The following ARHGAP40 variants were observed in gnomAD, a reference collection of about 807,000 sequenced individuals.
ARHGAP40 encodes the protein rho GTPase-activating protein 40.
ARHGAP40 carries 43 observed loss-of-function variants against 73.5 expected under a neutral mutation model. The observed-to-expected ratio is 0.58, with a 90% CI of 0.46 to 0.75. The LOEUF (loss-of-function observed/expected upper bound fraction) is 0.75, where lower values mean the gene tolerates loss of function less well. Among genes scored for constraint, ARHGAP40 ranks in the 30% least tolerant of loss-of-function variants. The pLI is 0.00. For missense variants in ARHGAP40, 734 were observed against 861.8 expected (o/e 0.85, Z 1.86); for synonymous variants, 300 against 352.8 (o/e 0.85, Z 1.68).
At chr20:38,615,599 T>C (rs2088831917) in intron 1 of ARHGAP40, 1 of 475,646 alleles carries the variant, frequency 2.1e-6, no homozygotes, top group Non-Finnish European at 3.8e-6. Context: ...AGAGGTCCAA[T>C]TTCTATCCTT....
intron 1 of ARHGAP40, among the ~76,000 whole-genome samples, chr20:38,616,224 C>CTGGGATA (rs2088837294): frequency 6.6e-6 from 1 of 152,256 alleles, no homozygotes; most frequent in South Asian, 2.1e-4. Context: ...TCACCTTCCC[C>CTGGGATA]CAGATTCCCT....
At chr20:38,631,346 C>CTGTTT (rs1350232255) in intron 5 of ARHGAP40, among the ~76,000 whole-genome samples, 13 of 149,228 alleles carry the variant, frequency 8.7e-5, no homozygotes, top group African/African-American at 3.0e-4. Context: ...ATATGTTAGT[C>CTGTTT]TGTTTTTACA....
At chr20:38,603,612 T>A (rs1298236460) in intron 1 of ARHGAP40, among the ~76,000 whole-genome samples, 1 of 152,206 alleles carries the variant, frequency 6.6e-6, no homozygotes, top group Non-Finnish European at 1.5e-5. Context: ...CTCTCTCATT[T>A]ATATTAGTTT....
At chr20:38,615,026 C>T in intron 1 of ARHGAP40, 1 of 1,148,668 alleles carries the variant, frequency 8.7e-7, no homozygotes, top group Non-Finnish European at 1.3e-6. Context: ...CCATCAAGGT[C>T]AAGTTATCCG....
intron 11 of ARHGAP40, among the ~76,000 whole-genome samples, chr20:38,645,004 C>T (rs1193821906): frequency 6.6e-6 from 1 of 152,198 alleles, no homozygotes; most frequent in East Asian, 1.9e-4. Context: ...CCCTCTCTGA[C>T]TGTTCCCACT....
intron 5 of ARHGAP40, 41 bp downstream of exon 5, chr20:38,629,691 T>G (rs1172837692): frequency 7.7e-7 from 1 of 1,298,970 alleles, no homozygotes; most frequent in Non-Finnish European, 1.0e-6. Context: ...TAGGTCCCCC[T>G]GTGCTCAGGC....
chr20:38,639,103 C>G, intron 8 of ARHGAP40, 124 bp from the exon 9 acceptor site: 1 of 1,041,968 alleles, frequency 9.6e-7, no homozygotes, highest in Non-Finnish European at 1.3e-6. Context: ...ACTTCAACCC[C>G]ACGAGGGAGG....
chr20:38,626,863 T>C lies in ARHGAP40; in HGVS notation c.338-132T>C. 3 of 604,094 alleles carry C rather than the reference T, an allele frequency of 5.0e-6. No individual in the cohort carries two copies. In the Admixed American group the frequency reaches 9.9e-5, roughly 20 times the overall value. The allele number at this position is 604,094 out of a possible 1,614,324, so 37.4% of individuals were successfully genotyped here. On this transcript the variant is annotated intron_variant, in intron 2 of 14. Coordinates refer to ENST00000373345, the Ensembl canonical transcript of ARHGAP40. ...CCCCGGAGAGTCTGGTTGGTGTTAATAGGTCTCACGATCAGATATGCAGAA... is the reference window on the plus strand; with the variant it reads ...CCCCGGAGAGTCTGGTTGGTGTTAACAGGTCTCACGATCAGATATGCAGAA...
chr20:38,650,264 G>A (rs912190063), exon 15 of ARHGAP40: 4 of 450,584 alleles, frequency 8.9e-6, no homozygotes, highest in South Asian at 1.7e-5. Flanking sequence ...ATGGGCTTCT[G>A]TCTGTGGCTT....
At chr20:38,636,958 G>A (rs1053478631) in intron 6 of ARHGAP40, among the ~76,000 whole-genome samples, 4 of 152,092 alleles carry the variant, frequency 2.6e-5, no homozygotes, top group African/African-American at 9.7e-5. Flanking sequence ...AAGAAGGAAG[G>A]TGTGGAGAAA....
exon 7 of ARHGAP40, chr20:38,637,799 C>T (rs879725458): frequency 2.4e-5 from 31 of 1,304,728 alleles, no homozygotes; most frequent in Middle Eastern, 2.1e-4. Flanking sequence ...TCCTTCAAGC[C>T]GTAAGTCGCC....
Position 38,641,795 on chromosome 20 carries a change from GA to G in ARHGAP40, c.1352del (p.Asn451MetfsTer3). The G allele has an allele frequency of 7.7e-7, 1 of 1,293,584 alleles. No individual in the cohort carries two copies. The highest frequency in any genetic ancestry group is 1.0e-6 in the Non-Finnish European group (1 of 984,694). The allele number at this position is 1,293,584 out of a possible 1,614,324, so 80.1% of individuals were successfully genotyped here. A position where few individuals can be genotyped will look rare whatever the true frequency, so the allele number is the denominator to read the frequency against. ...ATCCTCATCCTCCCAGAACCCAACA[GA>G]AATGCCTTAAAGGTAAGAGTTACCA... On this transcript the variant is annotated frameshift_variant, in exon 10 of 15. Coordinates refer to ENST00000373345, the Ensembl canonical transcript of ARHGAP40. LOFTEE classifies it high-confidence loss of function.
In ARHGAP40 at chr20:38,633,621, G is replaced by A. The variant is rs143895353; in HGVS notation, c.784-999G>A. 1.8e-3 allele frequency among the ~76,000 whole-genome samples: 271 copies of A among 152,286 alleles called. 3 individuals carry two copies. Among genetic ancestry groups the A allele is most frequent in the African/African-American group, 6.4e-3 (265 of 41,566 alleles). ...GGGATGTGACTCCATAGCCCATGCC[G>A]CAAGCACTAGGCTGTATTATAAGCA... is the stretch of plus-strand genomic sequence containing the variant. On this transcript the variant is annotated intron_variant, in intron 5 of 14. Coordinates refer to ENST00000373345, the Ensembl canonical transcript of ARHGAP40.
chr20:38,614,988 G>A, intron 1 of ARHGAP40: 4 of 1,216,496 alleles, frequency 3.3e-6, no homozygotes, highest in South Asian at 2.4e-5. Flanking sequence ...GAGCGCTTGT[G>A]TGAGGAAAGT....
chr20:38,643,155 A>AAC (rs1487233515), intron 10 of ARHGAP40, among the ~76,000 whole-genome samples: 3 of 151,856 alleles, frequency 2.0e-5, no homozygotes, highest in African/African-American at 7.3e-5. Context: ...CAAAAAAAAA[A>AAC]AAACAAAAAA....
At chr20:38,623,376 G>A (rs1185684984) in exon 2 of ARHGAP40, 1 of 1,290,212 alleles carries the variant, frequency 7.8e-7, no homozygotes, top group East Asian at 5.5e-5. Flanking sequence ...CCCTCCTCAG[G>A]CCGAATGGAT....
chr20:38,633,571 G>A (rs1023133740), intron 5 of ARHGAP40, among the ~76,000 whole-genome samples: 1 of 152,212 alleles, frequency 6.6e-6, no homozygotes, highest in Non-Finnish European at 1.5e-5. Context: ...TGCACTCACA[G>A]GTAAAGTCAG....
chr20:38,602,278 C>T (rs964579993), intron 1 of ARHGAP40, among the ~76,000 whole-genome samples, 199 bp downstream of exon 1: 1 of 152,206 alleles, frequency 6.6e-6, no homozygotes, highest in African/African-American at 2.4e-5. Flanking sequence ...GACTCCAAAC[C>T]CAGAGCCTTC....
At chr20:38,650,405 G>A (rs968809173) in exon 15 of ARHGAP40, 4 of 470,732 alleles carry the variant, frequency 8.5e-6, no homozygotes, top group Non-Finnish European at 1.3e-5. Context: ...ACAAAACCAG[G>A]AGAGCTCTGT....
Sources: gnomAD v4.1 joint callset for allele counts (sites outside exome capture counted in the v4.1 genomes callset) on GRCh38, gnomAD v4.1.1 for gene constraint, MANE v1.5 for transcripts, NCBI Gene and HGNC (gene_info 2026-07-23, HGNC 2026-07-21) for gene names.